PCDHA7: variants seen among roughly 807,000 people sequenced by gnomAD.
PCDHA7 encodes the protein protocadherin alpha 7.
Under a neutral mutation model 57.2 loss-of-function variants are expected in PCDHA7, and 37 were observed. The observed-to-expected ratio is 0.65, with a 90% confidence interval of 0.50 to 0.85. The LOEUF (loss-of-function observed/expected upper bound fraction) is 0.85. Ranked by LOEUF, PCDHA7 falls within the 40% of genes least tolerant of loss-of-function variation. PCDHA7 has a pLI of 0.00. For synonymous variants in PCDHA7, 553 were observed against 558.8 expected (o/e 0.99, Z 0.15); for missense variants, 1,188 against 1,241.8 (o/e 0.96, Z 0.65).
chr5:140,874,304 A>G (rs559038069), intron 1 of PCDHA7, among the ~76,000 whole-genome samples: 1 of 152,234 alleles, frequency 6.6e-6, no homozygotes, highest in African/African-American at 2.4e-5. Flanking sequence ...ACTTGTTCAC[A>G]ATGAGTTGTA....
At chr5:140,965,538 A>G (rs1554227750) in intron 1 of PCDHA7, among the ~76,000 whole-genome samples, 1 of 151,958 alleles carries the variant, frequency 6.6e-6, no homozygotes, top group Non-Finnish European at 1.5e-5. Flanking sequence ...TGGAATCCAA[A>G]TTCCAGCCTG....
chr5:140,857,301 C>T (rs2044489449), intron 1 of PCDHA7: 2 of 1,598,676 alleles, frequency 1.3e-6, no homozygotes, highest in Non-Finnish European at 8.6e-7. Context: ...GAGAGGGTGT[C>T]GGCCTATGAG....
intron 1 of PCDHA7, among the ~76,000 whole-genome samples, chr5:140,898,226 G>T (rs2066602879): frequency 6.6e-6 from 1 of 152,262 alleles, no homozygotes; most frequent in African/African-American, 2.4e-5. Flanking sequence ...GGCTTTTGTT[G>T]CCATTGCTTT....
chr5:140,892,779 A>G (rs1490865049), intron 1 of PCDHA7, among the ~76,000 whole-genome samples: 1 of 152,192 alleles, frequency 6.6e-6, no homozygotes, highest in Non-Finnish European at 1.5e-5. Flanking sequence ...TAGCTTCTTG[A>G]AAATATGTAA....
At chr5:140,990,007 C>T (rs1188956345) in intron 3 of PCDHA7, among the ~76,000 whole-genome samples, 2 of 151,870 alleles carry the variant, frequency 1.3e-5, no homozygotes, top group African/African-American at 2.4e-5. Flanking sequence ...TCTCCAAGGG[C>T]GTGGGCTAGG....
At chr5:140,881,931 G>T in intron 1 of PCDHA7, 1 of 276,824 alleles carries the variant, frequency 3.6e-6, no homozygotes, top group South Asian at 8.8e-5. Flanking sequence ...GCAGTGATTT[G>T]CTGTTTCTGG....
In PCDHA7 at chr5:140,834,564, C is replaced by A; in HGVS notation, c.181C>A (p.Pro61Thr). The A allele has an allele frequency of 6.2e-7, 1 of 1,614,090 alleles. No individual in the cohort carries two copies. The highest frequency in any genetic ancestry group is 8.5e-7 in the Non-Finnish European group (1 of 1,180,034). Residue 61 changes from proline (P) to threonine (T), a missense_variant, in exon 1 of 4, where the codon CCG (proline) becomes ACG (threonine). Coordinates refer to ENST00000525929, the MANE Select transcript of PCDHA7 (RefSeq NM_018910.3). ...DLGLELAELVPRLFRAVCKFR... is the reference protein window; with the variant it reads ...DLGLELAELVTRLFRAVCKFR... ...GGGGCTGGAGCTGGCGGAGCTGGTGCCGCGCCTGTTCCGGGCGGTGTGCAA... is the reference window on the plus strand; with the variant it reads ...GGGGCTGGAGCTGGCGGAGCTGGTGACGCGCCTGTTCCGGGCGGTGTGCAA...
chr5:140,967,774 G>C (rs1447955993), intron 1 of PCDHA7: 3 of 1,614,106 alleles, frequency 1.9e-6, no homozygotes, highest in Non-Finnish European at 1.7e-6. Context: ...TCTATGTGCA[G>C]GCGACTGACC....
chr5:140,835,883 C>G lies in PCDHA7; in HGVS notation c.1500C>G (p.Gly500=), dbSNP rs2150247387. Residue 500 remains glycine, a synonymous_variant, in exon 1 of 4, where the codon GGC becomes GGG. Transcript: ENST00000525929. ...ACTCGCTGGTGGAGCTGCGGGTGGG[C>G]GAGCGCGCGCTGTCGAGCTACGTGT... ...VSYSLVELRV[G]ERALSSYVSV... 3.1e-6 allele frequency: 5 copies of G among 1,611,944 alleles called. No homozygotes were observed. In the Admixed American group the frequency reaches 5.0e-5, roughly 16 times the overall value.
intron 1 of PCDHA7, chr5:140,967,870 G>C (rs782622860): frequency 1.2e-6 from 2 of 1,614,152 alleles, no homozygotes; most frequent in Admixed American, 3.3e-5. Context: ...TGGTGCTCAC[G>C]GACCTGTATA....
intron 1 of PCDHA7, chr5:140,868,947 A>T: frequency 7.7e-7 from 1 of 1,290,598 alleles, no homozygotes; most frequent in Non-Finnish European, 1.1e-6. Flanking sequence ...CTGAACAGTG[A>T]GGCACTCCCA....
At chr5:140,877,533 G>A (rs1554169813) in intron 1 of PCDHA7, 2 of 1,613,790 alleles carry the variant, frequency 1.2e-6, no homozygotes, top group South Asian at 2.2e-5. Context: ...TGGGCGCTGT[G>A]GATCCCGAAG....
chr5:140,836,227 C>G lies in PCDHA7; in HGVS notation c.1844C>G (p.Ala615Gly). ...AWLSYELQPV[A>G]AGASIPFRVG... ...CTTTCGTATGAGTTGCAACCGGTGG[C>G]GGCCGGTGCGAGCATCCCGTTCCGC... The change falls in exon 1 of 4, where the codon GCG (alanine) becomes GGG (glycine). Residue 615 changes from alanine (A) to glycine (G), a missense_variant. Ala to Gly is a moderately conservative substitution (Grantham distance 60, BLOSUM62 0). This residue lies in a region of PCDHA7 where 892 missense variants were observed against 788.5 expected (regional missense o/e 1.13). Coordinates refer to ENST00000525929, the MANE Select transcript of PCDHA7 (RefSeq NM_018910.3). 6.2e-7 allele frequency: 1 copy of G among 1,613,736 alleles called. No individual in the cohort carries two copies. Among genetic ancestry groups the G allele is most frequent in the African/African-American group, 1.3e-5 (1 of 74,954 alleles).
At chr5:140,876,262 C>T (rs1554168436) in intron 1 of PCDHA7, 2 of 1,614,012 alleles carry the variant, frequency 1.2e-6, no homozygotes, top group South Asian at 2.2e-5. Context: ...AGTGATCCAA[C>T]TAAATGCTTC....
chr5:140,863,149 G>T, intron 1 of PCDHA7: 1 of 617,002 alleles, frequency 1.6e-6, no homozygotes, highest in Non-Finnish European at 3.1e-6. Context: ...GCTGGTGAAG[G>T]ACCACTGCGA....
rs1305231081 is a variant in PCDHA7 at position 141,010,857 on chromosome 5, G to A, written c.*920G>A. The A allele has an allele frequency of 6.5e-6, 1 of 153,732 alleles. No homozygotes were observed. The highest frequency in any genetic ancestry group is 2.4e-5 in the African/African-American group (1 of 41,448). 9.5% of individuals were successfully genotyped at this position (153,732 alleles called of 1,614,324 possible). ...ATAGATTTATTTAAAAAAAGAGAAAGTCTATAGCTATAAATCTTTAAAGAG... is the reference window on the plus strand; with the variant it reads ...ATAGATTTATTTAAAAAAAGAGAAAATCTATAGCTATAAATCTTTAAAGAG... On this transcript the variant is annotated 3_prime_UTR_variant, in exon 4 of 4. Transcript: ENST00000525929.
Position 141,007,689 on chromosome 5 carries a change from A to G in PCDHA7, c.2504-1938A>G, listed in dbSNP as rs545850175. Among the ~76,000 whole-genome samples the G allele has an allele frequency of 3.5e-4, 53 of 152,196 alleles. 1 individual carries two copies. Among genetic ancestry groups the G allele is most frequent in the African/African-American group, 1.3e-3 (52 of 41,536 alleles). On this transcript the variant is annotated intron_variant, in intron 3 of 3. Coordinates refer to ENST00000525929, the MANE Select transcript of PCDHA7 (RefSeq NM_018910.3). ...CAAAGACAAAAGTTATCCTACTTCC[A>G]CCTCCCTCCTCTGCCTCCCACCACC...
intron 1 of PCDHA7, among the ~76,000 whole-genome samples, chr5:140,893,393 C>T (rs1358613018): frequency 6.6e-6 from 1 of 152,144 alleles, no homozygotes; most frequent in Non-Finnish European, 1.5e-5. Context: ...TGGCTCATGC[C>T]TGTAATCCCA....
intron 3 of PCDHA7, chr5:140,988,926 A>C (rs562175503): frequency 6.6e-6 from 1 of 152,238 alleles, no homozygotes; most frequent in Non-Finnish European, 1.5e-5. Flanking sequence ...ATAGAACAAC[A>C]CTGTTCTCTT....
Sources: allele counts gnomAD v4.1 joint callset (sites outside exome capture counted in the v4.1 genomes callset), GRCh38; gene constraint gnomAD v4.1.1; regional missense constraint gnomAD v4.1.1; transcripts MANE v1.5; gene names NCBI Gene and HGNC (gene_info 2026-07-23, HGNC 2026-07-21).